RBFOX1: variants seen among roughly 807,000 people sequenced by gnomAD.
RBFOX1 encodes RNA binding fox-1 homolog 1.
RBFOX1 carries 8 observed loss-of-function variants against 57.7 expected under a neutral mutation model. The ratio of observed to expected loss-of-function variants is 0.14; its 90% CI spans 0.08 to 0.25. RBFOX1 has a LOEUF of 0.25. RBFOX1 is among the 10% of genes least tolerant of loss of function. The probability of loss-of-function intolerance (pLI) is 1.00; values close to 1 mark genes in which losing one functional copy is unlikely to be tolerated. For synonymous variants in RBFOX1, 326 were observed against 222.4 expected (o/e 1.47, Z -4.15); for missense variants, 611 against 548.5 (o/e 1.11, Z -1.14).
intron 4 of RBFOX1, among the ~76,000 whole-genome samples, chr16:5,970,124 G>T (rs2152298076): frequency 6.6e-6 from 1 of 152,240 alleles, no homozygotes; most frequent in East Asian, 1.9e-4. Context: ...ATGACCTGAG[G>T]TTTCTTGCTG....
At chr16:6,819,309 T>G (rs2090796528) in intron 3 of RBFOX1, among the ~76,000 whole-genome samples, 1 of 152,170 alleles carries the variant, frequency 6.6e-6, no homozygotes, top group Admixed American at 6.5e-5. Context: ...GGTGCTCACT[T>G]AGGTTTGAAT....
At chr16:7,164,614 G>T (rs116523178) in intron 4 of RBFOX1, among the ~76,000 whole-genome samples, 1,538 of 152,218 alleles carry the variant, frequency 0.01, 27 homozygotes, top group African/African-American at 0.035. Flanking sequence ...TTTTAATAAC[G>T]TGTAATTTCT....
intron 1 of RBFOX1, among the ~76,000 whole-genome samples, chr16:6,189,195 T>A (rs894933271): frequency 6.6e-6 from 1 of 152,198 alleles, no homozygotes; most frequent in African/African-American, 2.4e-5. Flanking sequence ...AATGAATGCT[T>A]TCATAGCAAA....
At chr16:6,073,792 T>TA (rs35360308) in intron 1 of RBFOX1, among the ~76,000 whole-genome samples, 20,842 of 147,696 alleles carry the variant, frequency 0.14, 1,459 homozygotes, top group East Asian at 0.27. Context: ...AAGGTATATA[T>TA]TTTTTTTATT....
intron 3 of RBFOX1, among the ~76,000 whole-genome samples, chr16:6,779,327 C>T (rs2079939428): frequency 6.6e-6 from 1 of 151,986 alleles, no homozygotes; most frequent in Non-Finnish European, 1.5e-5. Context: ...TGTGTCTATG[C>T]TGTTTGAAAT....
At position 7,341,776 on chromosome 16, in the gene RBFOX1, CTCCTTCCT is replaced by C. The variant is rs767808435; in HGVS notation, c.28-176325_28-176318del. ...CCTCCTTCCCTCCTTCCCTCCCTCC[CTCCTTCCT>C]TCCTTCCTTCCTTCCTTCCTTCCTT... is the stretch of plus-strand genomic sequence containing the variant. On this transcript the variant is annotated intron_variant, in intron 4 of 15. Transcript: ENST00000550418. Among the ~76,000 whole-genome samples the C allele has an allele frequency of 9.9e-3, 938 of 95,174 alleles. 16 individuals carry two copies. The highest frequency in any genetic ancestry group is 0.031 in the Admixed American group (261 of 8,370). 62.4% of individuals were successfully genotyped at this position (95,174 alleles called of 152,430 possible). A position where few individuals can be genotyped will look rare whatever the true frequency, so the allele number is the denominator to read the frequency against.
chr16:6,686,351 T>G (rs1297409008), intron 3 of RBFOX1, among the ~76,000 whole-genome samples: 3 of 152,184 alleles, frequency 2.0e-5, no homozygotes, highest in African/African-American at 7.2e-5. Context: ...CCTCCTTTGC[T>G]TTATTGATGC....
At chr16:7,313,175 G>T (rs942633630) in intron 4 of RBFOX1, among the ~76,000 whole-genome samples, 15 of 152,172 alleles carry the variant, frequency 9.9e-5, no homozygotes, top group African/African-American at 3.4e-4. Flanking sequence ...CTTTGCTTTG[G>T]ATCTATCTAT....
At chr16:7,284,488 G>T (rs369816815) in intron 4 of RBFOX1, among the ~76,000 whole-genome samples, 1 of 151,554 alleles carries the variant, frequency 6.6e-6, no homozygotes, top group Non-Finnish European at 1.5e-5. Context: ...TCACCACCAC[G>T]CCTGGTTAAT....
At chr16:6,469,468 C>A (rs761023791) in intron 2 of RBFOX1, among the ~76,000 whole-genome samples, 2 of 152,058 alleles carry the variant, frequency 1.3e-5, no homozygotes, top group Non-Finnish European at 2.9e-5. Flanking sequence ...GAGGAATTGG[C>A]GTGATTTTAA....
intron 2 of RBFOX1, among the ~76,000 whole-genome samples, chr16:6,506,840 G>A (rs905503271): frequency 1.9e-4 from 29 of 151,980 alleles, no homozygotes; most frequent in African/African-American, 6.8e-4. Context: ...TAGAGAGAGG[G>A]TTTGGCCATG....
intron 2 of RBFOX1, among the ~76,000 whole-genome samples, chr16:6,352,724 C>T (rs1239905878): frequency 2.0e-5 from 3 of 152,192 alleles, no homozygotes; most frequent in Non-Finnish European, 4.4e-5. Context: ...CATATTGAAG[C>T]AGCTAAAACT....
At chr16:6,058,411 T>G (rs2095641222) in intron 1 of RBFOX1, among the ~76,000 whole-genome samples, 1 of 152,066 alleles carries the variant, frequency 6.6e-6, no homozygotes, top group African/African-American at 2.4e-5. Context: ...TGCACTGGCC[T>G]AGAACCATCT....
chr16:7,282,411 A>G (rs775376186), intron 4 of RBFOX1, among the ~76,000 whole-genome samples: 6 of 152,198 alleles, frequency 3.9e-5, no homozygotes, highest in Non-Finnish European at 8.8e-5. Flanking sequence ...TCTCATTATA[A>G]GAATCAAAAG....
intron 2 of RBFOX1, among the ~76,000 whole-genome samples, chr16:5,543,965 C>G (rs1336471631): frequency 2.0e-5 from 3 of 152,096 alleles, no homozygotes; most frequent in Non-Finnish European, 2.9e-5. Flanking sequence ...ATAGTCAAAT[C>G]CAGAATTATG....
intron 4 of RBFOX1, among the ~76,000 whole-genome samples, chr16:7,267,286 G>A (rs1055126520): frequency 4.6e-5 from 7 of 152,102 alleles, no homozygotes; most frequent in African/African-American, 1.7e-4. Flanking sequence ...TGTAATGCGA[G>A]CACTTTCGGA....
At chr16:6,106,588 T>C (rs1448099525) in intron 1 of RBFOX1, among the ~76,000 whole-genome samples, 2 of 152,232 alleles carry the variant, frequency 1.3e-5, no homozygotes, top group Non-Finnish European at 2.9e-5. Flanking sequence ...AGAAAGACTT[T>C]AGGAAAGTCT....
At chr16:7,203,896 A>G (rs367848456) in intron 4 of RBFOX1, among the ~76,000 whole-genome samples, 5 of 152,240 alleles carry the variant, frequency 3.3e-5, no homozygotes, top group African/African-American at 1.2e-4. Context: ...CTGAAGTCAG[A>G]ACTAGTCAAG....
intron 2 of RBFOX1, among the ~76,000 whole-genome samples, chr16:6,621,419 G>A (rs966077350): frequency 6.6e-6 from 1 of 152,300 alleles, no homozygotes. Flanking sequence ...AACCAAGATT[G>A]CGCCACTGCG....
Sources: gnomAD v4.1 joint callset for allele counts (sites outside exome capture counted in the v4.1 genomes callset) on GRCh38, gnomAD v4.1.1 for gene constraint, MANE v1.5 for transcripts, NCBI Gene and HGNC (gene_info 2026-07-23, HGNC 2026-07-21) for gene names.